Variants in SQOR observed in about 807,000 individuals in gnomAD.
The protein encoded by SQOR is sulfide quinone oxidoreductase.
Under a neutral mutation model 48.6 loss-of-function variants are expected in SQOR, and 39 were observed. The ratio of observed to expected loss-of-function variants is 0.80; its 90% confidence interval spans 0.62 to 1.05. The LOEUF (loss-of-function observed/expected upper bound fraction) is 1.05, where lower values mean the gene tolerates loss of function less well. Among genes scored for constraint, SQOR ranks in the 50% least tolerant of loss-of-function variants. SQOR has a pLI of 0.00. For missense variants in SQOR, 561 were observed against 559.9 expected (o/e 1.00, Z -0.02); for synonymous variants, 220 against 206.2 (o/e 1.07, Z -0.57).
At chr15:45,650,092 C>T (rs1379033270) in intron 1 of SQOR, among the ~76,000 whole-genome samples, 1 of 152,042 alleles carries the variant, frequency 6.6e-6, no homozygotes, top group Non-Finnish European at 1.5e-5. Context: ...ATCCATCTGC[C>T]TCAGCCTCCC....
At chr15:45,684,492 C>T (rs1268115150) in intron 7 of SQOR, among the ~76,000 whole-genome samples, 1 of 152,158 alleles carries the variant, frequency 6.6e-6, no homozygotes, top group Non-Finnish European at 1.5e-5. Context: ...AATCTCCATA[C>T]CTGAGTCTGT....
intron 6 of SQOR, among the ~76,000 whole-genome samples, chr15:45,679,351 T>C (rs1303812307): frequency 6.6e-6 from 1 of 152,134 alleles, no homozygotes; most frequent in Non-Finnish European, 1.5e-5. Flanking sequence ...AGATTGAGGA[T>C]GGGGAGTTTC....
intron 2 of SQOR, among the ~76,000 whole-genome samples, chr15:45,661,152 C>G (rs1308260433): frequency 6.6e-6 from 1 of 151,880 alleles, no homozygotes; most frequent in Non-Finnish European, 1.5e-5. Context: ...CATGGTGGCA[C>G]ATGCCTGTAG....
intron 4 of SQOR, among the ~76,000 whole-genome samples, chr15:45,670,331 G>C (rs192886267): frequency 5.3e-5 from 8 of 152,300 alleles, no homozygotes; most frequent in Admixed American, 2.0e-4. Context: ...TTGGAAGTAG[G>C]GTTTAGATTA....
At chr15:45,685,530 G>A (rs1432403250) in intron 7 of SQOR, among the ~76,000 whole-genome samples, 1 of 152,154 alleles carries the variant, frequency 6.6e-6, no homozygotes, top group Non-Finnish European at 1.5e-5. Context: ...GAAGGCATGG[G>A]CATGATAGAA....
Position 45,649,855 on chromosome 15 carries a change from GT to G in SQOR, c.-17-9047del, listed in dbSNP as rs201578039. ...ATGGGCAATGCTTTTTGTTGTTGTTGTTTTTGTGTGTGTTTTTTTGAGACAG... is the reference window on the plus strand; with the variant it reads ...ATGGGCAATGCTTTTTGTTGTTGTTGTTTTGTGTGTGTTTTTTTGAGACAG... On this transcript the variant is annotated intron_variant, in intron 1 of 9. Coordinates refer to ENST00000260324, the MANE Select transcript of SQOR (RefSeq NM_021199.4). Among the ~76,000 whole-genome samples, 608 of 151,584 alleles carry G rather than the reference GT, an allele frequency of 4.0e-3. 7 individuals are homozygous for G. The highest frequency in any genetic ancestry group is 0.014 in the African/African-American group (581 of 41,280).
intron 6 of SQOR, among the ~76,000 whole-genome samples, chr15:45,680,577 A>G (rs1595508892): frequency 6.6e-6 from 1 of 151,002 alleles, no homozygotes; most frequent in African/African-American, 2.4e-5. Context: ...TACTATGCCT[A>G]GATAATTTTT....
intron 3 of SQOR, among the ~76,000 whole-genome samples, chr15:45,662,748 T>C (rs369123193): frequency 2.2e-4 from 34 of 152,318 alleles, no homozygotes; most frequent in African/African-American, 7.9e-4. Context: ...AGCAGGATGG[T>C]GGAAGGCCTG....
upstream of SQOR, among the ~76,000 whole-genome samples, chr15:45,632,408 G>C (rs747043413): frequency 6.6e-6 from 1 of 151,906 alleles, no homozygotes; most frequent in South Asian, 2.1e-4. Flanking sequence ...TTTTAGTAGA[G>C]ACGGGGTTTC....
chr15:45,634,198 C>CTCTATATATATATATATATATATATA (rs1894951879), upstream of SQOR, among the ~76,000 whole-genome samples: 1 of 43,844 alleles, frequency 2.3e-5, no homozygotes, highest in Admixed American at 2.4e-4. Context: ...ACAACAACAA[C>CTCTATATATATATATATATATATATA]TATATATATA....
chr15:45,650,224 C>T (rs115014909), intron 1 of SQOR, among the ~76,000 whole-genome samples: 1 of 152,130 alleles, frequency 6.6e-6, no homozygotes, highest in African/African-American at 2.4e-5. Context: ...ATTGCCACCT[C>T]CACTTCCTGG....
At chr15:45,646,373 AG>A (rs1321142561) in intron 1 of SQOR, among the ~76,000 whole-genome samples, 1 of 152,234 alleles carries the variant, frequency 6.6e-6, no homozygotes, top group African/African-American at 2.4e-5. Flanking sequence ...AATTCATGCT[AG>A]CTCTGGCCCT....
chr15:45,651,918 T>A (rs1001504426), intron 1 of SQOR, among the ~76,000 whole-genome samples: 4 of 152,112 alleles, frequency 2.6e-5, no homozygotes, highest in Non-Finnish European at 5.9e-5. Context: ...AAACAGACTC[T>A]CACTCTGTTG....
At chr15:45,664,213 C>T (rs541602233) in intron 3 of SQOR, among the ~76,000 whole-genome samples, 2 of 152,294 alleles carry the variant, frequency 1.3e-5, no homozygotes, top group South Asian at 2.1e-4. Flanking sequence ...TCTGTCTTCA[C>T]TGAGCCAGAA....
upstream of SQOR, chr15:45,634,812 G>A (rs1894967316): frequency 6.6e-6 from 1 of 152,384 alleles, no homozygotes; most frequent in East Asian, 1.9e-4. Flanking sequence ...GCGCGCAAGG[G>A]GCGAGTCTGT....
intron 5 of SQOR, among the ~76,000 whole-genome samples, chr15:45,675,179 A>G (rs1025769961): frequency 2.0e-5 from 3 of 152,150 alleles, no homozygotes; most frequent in Non-Finnish European, 4.4e-5. Flanking sequence ...AAAGAAGAAG[A>G]AACCAGCTGT....
chr15:45,670,127 C>T, intron 4 of SQOR, 146 bp downstream of exon 4: 2 of 751,834 alleles, frequency 2.7e-6, no homozygotes, highest in Non-Finnish European at 4.5e-6. Context: ...AGTCCTTTTA[C>T]AGTTTTAAGG....
chr15:45,682,181 C>T (rs1327099808), intron 6 of SQOR, among the ~76,000 whole-genome samples: 1 of 152,132 alleles, frequency 6.6e-6, no homozygotes, highest in Non-Finnish European at 1.5e-5. Flanking sequence ...TGGATTTTTT[C>T]AGAATATTAG....
At chr15:45,644,591 T>G (rs1895168995) in intron 1 of SQOR, among the ~76,000 whole-genome samples, 1 of 152,168 alleles carries the variant, frequency 6.6e-6, no homozygotes, top group South Asian at 2.1e-4. Context: ...GAAGAAGCTC[T>G]TACTCACAGT....
Sources: allele counts gnomAD v4.1 joint callset (sites outside exome capture counted in the v4.1 genomes callset), GRCh38; gene constraint gnomAD v4.1.1; transcripts MANE v1.5; gene names NCBI Gene and HGNC (gene_info 2026-07-23, HGNC 2026-07-21).